OSBPL8: variants seen among roughly 807,000 people sequenced by gnomAD.
OSBPL8 encodes the protein oxysterol-binding protein-related protein 8.
Under a neutral mutation model 125.5 loss-of-function variants are expected in OSBPL8, and 59 were observed. The observed-to-expected ratio is 0.47, with a 90% confidence interval of 0.38 to 0.58. OSBPL8 has a LOEUF of 0.58. Among genes scored for constraint, OSBPL8 ranks in the 20% least tolerant of loss-of-function variants. The pLI, the probability that OSBPL8 is intolerant of heterozygous loss-of-function variation, is 0.00. For synonymous variants in OSBPL8, 330 were observed against 338.9 expected, an observed-to-expected ratio of 0.97 and a Z score of 0.29; for missense variants, 758 against 1,047.8, an observed-to-expected ratio of 0.72 and a Z score of 3.82.
In OSBPL8 at chr12:76,355,849, T is replaced by C. The variant is rs1421393576; in HGVS notation, c.*40A>G. 6.3e-7 allele frequency: 1 copy of C among 1,598,044 alleles called. No individual in the cohort carries two copies. Among genetic ancestry groups the C allele is most frequent in the Non-Finnish European group, 8.5e-7 (1 of 1,172,772 alleles). ...ACTTGAACACTGGTCCCAGGCCAAA[T>C]CAGATCTTTCTAGTTCACTGATTCA... is the stretch of plus-strand genomic sequence containing the variant. On this transcript the variant is annotated 3_prime_UTR_variant, in exon 24 of 24. Coordinates refer to ENST00000261183, the MANE Select transcript of OSBPL8 (RefSeq NM_020841.5).
intron 1 of OSBPL8, among the ~76,000 whole-genome samples, chr12:76,497,270 T>G (rs1879374994): frequency 6.6e-6 from 1 of 152,092 alleles, no homozygotes; most frequent in African/African-American, 2.4e-5. Flanking sequence ...GGATTTCTAT[T>G]GCAACTACTT....
intron 1 of OSBPL8, among the ~76,000 whole-genome samples, chr12:76,541,569 C>T (rs1297149114): frequency 6.6e-6 from 1 of 151,928 alleles, no homozygotes; most frequent in African/African-American, 2.4e-5. Flanking sequence ...AAAAATAGGC[C>T]ATAGGCCAGT....
Position 76,356,001 on chromosome 12 carries a change from T to G in OSBPL8, c.2558A>C (p.Asn853Thr), listed in dbSNP as rs764779900. The G allele has an allele frequency of 6.2e-7, 1 of 1,611,566 alleles. No individual in the cohort carries two copies. Among genetic ancestry groups the G allele is most frequent in the Non-Finnish European group, 8.5e-7 (1 of 1,179,160 alleles). Reference sequence around the variant, plus strand: ...GGCCGGTGTGCTTGAAACTAAATGATTTCGAAGAGCCATAATATTTCTATA... The same window carrying G: ...GGCCGGTGTGCTTGAAACTAAATGAGTTCGAAGAGCCATAATATTTCTATA... ...EIKRNIMALR[N>T]HLVSSTPATD... Residue 853 changes from asparagine to threonine, a missense_variant, in exon 24 of 24, where the codon AAT becomes ACT. Asn to Thr is a moderately conservative substitution (Grantham distance 65). Coordinates refer to ENST00000261183, the MANE Select transcript of OSBPL8 (RefSeq NM_020841.5).
chr12:76,467,170 G>C (rs954110599), intron 2 of OSBPL8, among the ~76,000 whole-genome samples: 1 of 151,962 alleles, frequency 6.6e-6, no homozygotes, highest in African/African-American at 2.4e-5. Context: ...TGGTTTCTAA[G>C]AATACTCCTC....
intron 2 of OSBPL8, among the ~76,000 whole-genome samples, chr12:76,485,315 T>C (rs1878011043): frequency 6.6e-6 from 1 of 151,602 alleles, no homozygotes; most frequent in Non-Finnish European, 1.5e-5. Context: ...CTCATGCCTG[T>C]AATCCCAGCA....
intron 1 of OSBPL8, among the ~76,000 whole-genome samples, chr12:76,544,519 A>AT (rs1156542506): frequency 1.3e-5 from 2 of 152,208 alleles, no homozygotes; most frequent in Non-Finnish European, 2.9e-5. Context: ...AGAGAAACAC[A>AT]TAAGTTCTAG....
intron 5 of OSBPL8, among the ~76,000 whole-genome samples, chr12:76,408,762 A>G (rs2136404938): frequency 6.6e-6 from 1 of 152,236 alleles, no homozygotes; most frequent in South Asian, 2.1e-4. Context: ...CTGTACCCAA[A>G]GCATAGTTCT....
At position 76,386,575 on chromosome 12, in the gene OSBPL8, T is replaced by C. The variant is rs1953322253; in HGVS notation, c.1434+4A>G. The C allele has an allele frequency of 1.3e-6, 2 of 1,583,020 alleles. No homozygotes were observed. The highest frequency in any genetic ancestry group is 8.6e-7 in the Non-Finnish European group (1 of 1,160,966). On this transcript the variant is annotated splice_donor_region_variant and intron_variant, in intron 13 of 23. Coordinates refer to ENST00000261183, the MANE Select transcript of OSBPL8 (RefSeq NM_020841.5). ...GACAATAAAATGTAAACAAACATTATTACCTTTGGCTTTTTATAGAATCCT... is the reference window on the plus strand; with the variant it reads ...GACAATAAAATGTAAACAAACATTACTACCTTTGGCTTTTTATAGAATCCT...
chr12:76,364,296 T>C (rs1422948189), intron 21 of OSBPL8, among the ~76,000 whole-genome samples: 1 of 152,214 alleles, frequency 6.6e-6, no homozygotes, highest in African/African-American at 2.4e-5. Context: ...CTGGCATATA[T>C]ACACCATGGA....
At chr12:76,426,770 A>G (rs975936437) in intron 4 of OSBPL8, among the ~76,000 whole-genome samples, 2 of 152,202 alleles carry the variant, frequency 1.3e-5, no homozygotes, top group African/African-American at 4.8e-5. Flanking sequence ...GTTGCTGGAT[A>G]CATAGAAAAC....
At chr12:76,502,456 G>A (rs533277639) in intron 1 of OSBPL8, among the ~76,000 whole-genome samples, 1 of 152,214 alleles carries the variant, frequency 6.6e-6, no homozygotes, top group South Asian at 2.1e-4. Flanking sequence ...CAAAGAAGGG[G>A]GTTTACTAGG....
intron 4 of OSBPL8, among the ~76,000 whole-genome samples, chr12:76,445,822 A>C (rs1238579468): frequency 1.3e-5 from 2 of 152,164 alleles, no homozygotes; most frequent in African/African-American, 4.8e-5. Flanking sequence ...AACACTCACC[A>C]CATGATTCAG....
At chr12:76,468,429 T>C (rs1365349421) in intron 2 of OSBPL8, among the ~76,000 whole-genome samples, 3 of 152,232 alleles carry the variant, frequency 2.0e-5, no homozygotes, top group African/African-American at 7.2e-5. Flanking sequence ...ATTTTCTCCC[T>C]ACTTTGTTTC....
intron 4 of OSBPL8, among the ~76,000 whole-genome samples, chr12:76,438,646 G>T (rs1432791354): frequency 1.8e-4 from 28 of 152,200 alleles, no homozygotes; most frequent in Non-Finnish European, 7.3e-5. Flanking sequence ...GGTTAGGAAA[G>T]ATCAAGTCTA....
chr12:76,389,859 A>G, intron 11 of OSBPL8, 30 bp from the exon 12 acceptor site: 5 of 1,430,806 alleles, frequency 3.5e-6, no homozygotes, highest in Non-Finnish European at 4.6e-6. Context: ...TTACCAAAAC[A>G]TTATATTTAT....
At position 76,358,777 on chromosome 12, in the gene OSBPL8, C is replaced by A. The variant is rs747402426; in HGVS notation, c.2363G>T (p.Arg788Met). ...GCCTTTTGCTACTTTCTTCTGTTGC[C>A]TGGTTGGCTTATGTTTCATTTTGGG... Reference protein sequence around the residue: ...SVPKMKHKPTRQQKKVAKGYS... With the variant: ...SVPKMKHKPTMQQKKVAKGYS... Residue 788 changes from arginine to methionine, a missense_variant, in exon 22 of 24, where the codon AGG becomes ATG. Coordinates refer to ENST00000261183, the MANE Select transcript of OSBPL8 (RefSeq NM_020841.5). 2 of 1,614,014 alleles carry A rather than the reference C, an allele frequency of 1.2e-6. No individual in the cohort carries two copies. Among genetic ancestry groups the A allele is most frequent in the South Asian group, 2.2e-5 (2 of 91,084 alleles).
intron 1 of OSBPL8, among the ~76,000 whole-genome samples, chr12:76,545,199 G>A (rs1004835717): frequency 2.0e-5 from 3 of 152,024 alleles, no homozygotes; most frequent in African/African-American, 7.2e-5. Context: ...ATATGATACT[G>A]GCAACCATAT....
intron 1 of OSBPL8, among the ~76,000 whole-genome samples, chr12:76,514,252 C>A (rs1881307791): frequency 1.3e-5 from 2 of 152,082 alleles, no homozygotes; most frequent in South Asian, 4.1e-4. Flanking sequence ...TCAAGCGATT[C>A]TCCTGCCTTA....
intron 2 of OSBPL8, among the ~76,000 whole-genome samples, chr12:76,471,271 C>T (rs993377722): frequency 2.0e-5 from 3 of 152,158 alleles, no homozygotes; most frequent in African/African-American, 7.2e-5. Context: ...CTTGGATACA[C>T]ATCTCAAACT....
Sources: allele counts gnomAD v4.1 joint callset (sites outside exome capture counted in the v4.1 genomes callset), GRCh38; gene constraint gnomAD v4.1.1; transcripts MANE v1.5; gene names NCBI Gene and HGNC (gene_info 2026-07-23, HGNC 2026-07-21).